Variants in CEP104 observed in about 807,000 individuals in gnomAD.
CEP104 encodes centrosomal protein 104.
Under a neutral mutation model 113.3 loss-of-function variants are expected in CEP104, and 84 were observed. The observed-to-expected ratio is 0.74, with a 90% CI of 0.62 to 0.89. CEP104 has a LOEUF of 0.89. Among genes scored for constraint, CEP104 ranks in the 40% least tolerant of loss-of-function variants. CEP104 has a pLI of 0.00. For synonymous variants in CEP104, 378 were observed against 421.7 expected (o/e 0.90, Z 1.27); for missense variants, 1,053 against 1,156.6 (o/e 0.91, Z 1.30).
At position 3,844,947 on chromosome 1, in the gene CEP104, G is replaced by A. The variant is rs1379083729; in HGVS notation, c.526C>T (p.His176Tyr). Reference protein sequence around the residue: ...REKLIDHYLGHNSEDPALEGT... With the variant: ...REKLIDHYLGYNSEDPALEGT... ...TCTAGAGCAGGGTCCTCGCTGTTGT[G>A]CCCAAGGTAGTGGTCAATCAACTTC... Residue 176 changes from histidine to tyrosine, a missense_variant, in exon 6 of 22, where the codon CAC becomes TAC. His to Tyr is a moderately conservative substitution (Grantham distance 83). Transcript: ENST00000378230. The A allele has an allele frequency of 1.9e-6, 3 of 1,614,134 alleles. No homozygotes were observed. Among genetic ancestry groups the A allele is most frequent in the Non-Finnish European group, 2.5e-6 (3 of 1,179,994 alleles).
intron 13 of CEP104, among the ~76,000 whole-genome samples, chr1:3,830,499 C>A (rs964619442): frequency 2.6e-5 from 4 of 152,126 alleles, no homozygotes; most frequent in African/African-American, 9.7e-5. Flanking sequence ...ACAGGCCGGG[C>A]GCAGTGGCTC....
At chr1:3,833,770 G>A in intron 12 of CEP104, 92 bp downstream of exon 12, 1 of 1,224,640 alleles carries the variant, frequency 8.2e-7, no homozygotes, top group Non-Finnish European at 1.2e-6. Flanking sequence ...ACTGAGTAGA[G>A]ACAGAATCTT....
intron 6 of CEP104, chr1:3,843,423 C>T: frequency 4.0e-6 from 2 of 502,532 alleles, no homozygotes; most frequent in Non-Finnish European, 7.0e-6. Flanking sequence ...GTCACCCAGG[C>T]TGGAATACAG....
chr1:3,839,899 T>A, intron 6 of CEP104, 123 bp from the exon 7 acceptor site: 1 of 777,764 alleles, frequency 1.3e-6, no homozygotes, highest in Non-Finnish European at 2.0e-6. Context: ...GAGCATTTCC[T>A]GCATGAGAAA....
At chr1:3,825,947 T>C in intron 17 of CEP104, 81 bp from the exon 18 acceptor site, 2 of 953,634 alleles carry the variant, frequency 2.1e-6, no homozygotes, top group Non-Finnish European at 3.4e-6. Flanking sequence ...CACGAGGAAA[T>C]TCTGAATTTC....
chr1:3,828,371 C>T (rs908998038), intron 15 of CEP104, among the ~76,000 whole-genome samples: 2 of 152,224 alleles, frequency 1.3e-5, no homozygotes, highest in African/African-American at 4.8e-5. Flanking sequence ...CTCCTTCCGC[C>T]TCCTGTGTCC....
chr1:3,823,539 C>T lies in CEP104; in HGVS notation c.2388G>A (p.Thr796=), dbSNP rs374760299. ...TGTCACATTCCGTCAGCAAGTGCTC[C>T]GTCAGACTGGATATCTCGACCACCT... ...CKQVVEISSL[T]EHLLTECDKK... Residue 796 remains threonine, a synonymous_variant, in exon 19 of 22, where the codon ACG becomes ACA. Transcript: ENST00000378230. The surrounding 1 kb of genome is among the most constrained non-coding windows in gnomAD (Gnocchi z 4.1). 83 of 1,614,118 alleles carry T rather than the reference C, an allele frequency of 5.1e-5. No homozygotes were observed. Among genetic ancestry groups the T allele is most frequent in the Middle Eastern group, 1.6e-4 (1 of 6,084 alleles).
intron 15 of CEP104, among the ~76,000 whole-genome samples, chr1:3,827,342 G>A (rs1644111614): frequency 1.3e-5 from 2 of 152,052 alleles, no homozygotes; most frequent in Admixed American, 1.3e-4. Context: ...AGCCTCCTGA[G>A]TAGCTGGGAT....
In CEP104 at chr1:3,815,423, G is replaced by C; in HGVS notation, c.2757C>G (p.Ser919Arg). The C allele has an allele frequency of 6.2e-7, 1 of 1,612,734 alleles. No homozygotes were observed. Among genetic ancestry groups the C allele is most frequent in the Non-Finnish European group, 8.5e-7 (1 of 1,179,772 alleles). The change falls in exon 22 of 22, where the codon AGC (serine) becomes AGG (arginine). Residue 919 changes from serine (S) to arginine (R), a missense_variant. Ser to Arg is a moderately radical substitution (Grantham distance 110). Coordinates refer to ENST00000378230, the MANE Select transcript of CEP104 (RefSeq NM_014704.4). ...CGCGTCAGCGCTTGGCGTACGTCCT[G>C]CTGGAGCTCTTGCTCAGTCCGCCCT... ...TPKGGLSKSS[S>R]RTYAKR is the part of the protein sequence containing the mutation.
chr1:3,823,026 A>C lies in CEP104; in HGVS notation c.2571+148T>G, dbSNP rs1262405153. 4 of 695,146 alleles carry C rather than the reference A, an allele frequency of 5.8e-6. No individual in the cohort carries two copies. The Admixed American group carries it at 9.1e-5, about 16-fold the overall frequency. The allele number at this position is 695,146 out of a possible 1,614,324, so 43.1% of individuals were successfully genotyped here. A position where few individuals can be genotyped will look rare whatever the true frequency, so the allele number is the denominator to read the frequency against. ...AGGTAAACGGAACGACTGCTCAGAC[A>C]GGGCTCACTAGACGCTGTCCCCTCC... is the stretch of plus-strand genomic sequence containing the variant. On this transcript the variant is annotated intron_variant, in intron 20 of 21. Transcript: ENST00000378230. The surrounding 1 kb of genome is among the most constrained non-coding windows in gnomAD (Gnocchi z 4.1).
chr1:3,844,841 TGACTGAC>T, intron 6 of CEP104, 59 bp downstream of exon 6: 2 of 1,356,678 alleles, frequency 1.5e-6, no homozygotes, highest in Admixed American at 3.4e-5. Context: ...CCTTTGGAAA[TGACTGAC>T]CCTTTCAGGA....
chr1:3,850,469 G>T (rs1316501562), intron 2 of CEP104, among the ~76,000 whole-genome samples: 1 of 152,176 alleles, frequency 6.6e-6, no homozygotes, highest in Non-Finnish European at 1.5e-5. Context: ...TGCTCTGAAG[G>T]CTTCAGGCTC....
At position 3,823,264 on chromosome 1, in the gene CEP104, C is replaced by T; in HGVS notation, c.2504-23G>A. 1 of 1,613,998 alleles carries T rather than the reference C, an allele frequency of 6.2e-7. No individual in the cohort carries two copies. The highest frequency in any genetic ancestry group is 8.5e-7 in the Non-Finnish European group (1 of 1,179,862). ...CAGCTGAAATGATTTTAAAAAGACT[C>T]AGTCGCTCCCTGAATGACAGGCGAC... On this transcript the variant is annotated intron_variant, in intron 19 of 21. Transcript: ENST00000378230. This position sits in a 1 kb window ranked among gnomAD's most constrained non-coding sequence, Gnocchi z 4.1.
Position 3,844,976 on chromosome 1 carries a change from C to T in CEP104, c.497G>A (p.Arg166Gln), listed in dbSNP as rs149119607. ...AAGGTAGTGGTCAATCAACTTCTCT[C>T]GAGAGGCCTTTGGGGGCAAAACATC... is the stretch of plus-strand genomic sequence containing the variant. ...DFSDESNTAS[R>Q]EKLIDHYLGH... Residue 166 changes from arginine (R) to glutamine (Q), a missense_variant, in exon 6 of 22, where the codon CGA becomes CAA. Transcript: ENST00000378230. The T allele has an allele frequency of 1.8e-5, 29 of 1,614,054 alleles. No homozygotes were observed. The African/African-American group carries it at 2.7e-4, about 15-fold the overall frequency.
chr1:3,845,081 G>T, intron 5 of CEP104, 98 bp from the exon 6 acceptor site: 2 of 1,119,436 alleles, frequency 1.8e-6, no homozygotes, highest in East Asian at 4.8e-5. Flanking sequence ...TGTCAGCAAG[G>T]TTCAATGATC....
Position 3,835,152 on chromosome 1 carries a change from C to T in CEP104, c.1318-60G>A, listed in dbSNP as rs971206785. On this transcript the variant is annotated intron_variant, in intron 10 of 21. Coordinates refer to ENST00000378230, the MANE Select transcript of CEP104 (RefSeq NM_014704.4). Reference sequence around the variant, plus strand: ...ACAACCATCCTCCAACACTACACAACTTGAAGGCTTTGTTTTTTTTTTAAC... The same window carrying T: ...ACAACCATCCTCCAACACTACACAATTTGAAGGCTTTGTTTTTTTTTTAAC... The T allele has an allele frequency of 1.2e-5, 16 of 1,309,372 alleles. No individual in the cohort carries two copies. The African/African-American group carries it at 2.5e-4, about 21-fold the overall frequency. 81.1% of individuals were successfully genotyped at this position (1,309,372 alleles called of 1,614,324 possible).
intron 21 of CEP104, among the ~76,000 whole-genome samples, chr1:3,815,836 G>C (rs527501497): frequency 6.6e-6 from 1 of 152,182 alleles, no homozygotes; most frequent in Admixed American, 6.5e-5. Context: ...TATAGGTGCC[G>C]GCCACTGTGC....
At chr1:3,849,408 G>A (rs542905379) in intron 2 of CEP104, among the ~76,000 whole-genome samples, 1 of 152,052 alleles carries the variant, frequency 6.6e-6, no homozygotes, top group Non-Finnish European at 1.5e-5. Flanking sequence ...GACCACAGGT[G>A]TGTGCCACTG....
At chr1:3,834,722 G>C (rs1178258708) in intron 11 of CEP104, among the ~76,000 whole-genome samples, 2 of 152,236 alleles carry the variant, frequency 1.3e-5, no homozygotes, top group Non-Finnish European at 2.9e-5. Flanking sequence ...AGCAAAGGCA[G>C]ATTTCCCAGA....
Sources: allele counts gnomAD v4.1 joint callset (sites outside exome capture counted in the v4.1 genomes callset), GRCh38; gene constraint gnomAD v4.1.1; non-coding constraint Gnocchi (gnomAD v3.1); transcripts MANE v1.5; gene names NCBI Gene and HGNC (gene_info 2026-07-23, HGNC 2026-07-21).